Variants in SLC36A4 observed in about 807,000 individuals in gnomAD.
SLC36A4 encodes neutral amino acid uniporter 4.
Under a neutral mutation model 50.5 loss-of-function variants are expected in SLC36A4, and 49 were observed. The ratio of observed to expected loss-of-function variants is 0.97; its 90% CI spans 0.77 to 1.23. The LOEUF (loss-of-function observed/expected upper bound fraction) is 1.23, where lower values mean the gene tolerates loss of function less well. Ranked by LOEUF, SLC36A4 falls within the 50% of genes most tolerant of loss-of-function variation. The pLI is 0.00. For synonymous variants in SLC36A4, 207 were observed against 206.5 expected, an observed-to-expected ratio of 1.00 and a Z score of -0.02; for missense variants, 611 against 608.4, an observed-to-expected ratio of 1.00 and a Z score of -0.05.
At chr11:93,168,236 C>T in intron 6 of SLC36A4, 65 bp from the exon 7 acceptor site, 1 of 911,138 alleles carries the variant, frequency 1.1e-6, no homozygotes, top group Non-Finnish European at 1.7e-6. Context: ...AATCATAAAA[C>T]ACATGTACAA....
At chr11:93,153,461 G>A (rs1436436104) in intron 10 of SLC36A4, among the ~76,000 whole-genome samples, 1 of 152,028 alleles carries the variant, frequency 6.6e-6, no homozygotes, top group African/African-American at 2.4e-5. Context: ...ACAATGGCAT[G>A]TAACTTGCCT....
chr11:93,196,345 G>A (rs1862421610), intron 1 of SLC36A4, among the ~76,000 whole-genome samples: 1 of 152,096 alleles, frequency 6.6e-6, no homozygotes. Flanking sequence ...ATATTCTGAA[G>A]GAGAATTGCT....
Position 93,182,878 on chromosome 11 carries a change from A to T in SLC36A4, c.287T>A (p.Leu96His), listed in dbSNP as rs778786250. The T allele has an allele frequency of 5.6e-6, 9 of 1,611,482 alleles. No individual in the cohort carries two copies. Among genetic ancestry groups the T allele is most frequent in the Non-Finnish European group, 7.6e-6 (9 of 1,178,894 alleles). Residue 96 changes from leucine (L) to histidine (H), a missense_variant, in exon 4 of 11, where the codon CTT (leucine) becomes CAT (histidine). Coordinates refer to ENST00000326402, the MANE Select transcript of SLC36A4 (RefSeq NM_152313.4). ...NAGIVLGPIS[L>H]VFIGIISVHC... Reference sequence around the variant, plus strand: ...AACAGAAATAATTCCTATAAACACAAGGCTGATTGGTCCAAGCTGTGGGGA... The same window carrying T: ...AACAGAAATAATTCCTATAAACACATGGCTGATTGGTCCAAGCTGTGGGGA...
In SLC36A4 at chr11:93,163,184, C is replaced by T. The variant is rs551151431; in HGVS notation, c.868-309G>A. On this transcript the variant is annotated intron_variant, in intron 8 of 10. Coordinates refer to ENST00000326402, the MANE Select transcript of SLC36A4 (RefSeq NM_152313.4). ...AGATAACACAGAGATCTCCCATATA[C>T]CCCTCACCCAGTTTCTCCTACCATT... 2.2e-3 allele frequency among the ~76,000 whole-genome samples: 342 copies of T among 152,180 alleles called. 1 individual carries two copies. Among genetic ancestry groups the T allele is most frequent in the Non-Finnish European group, 3.8e-3 (260 of 68,016 alleles).
chr11:93,197,719 C>A, intron 1 of SLC36A4, 59 bp downstream of exon 1: 1 of 1,545,182 alleles, frequency 6.5e-7, no homozygotes, highest in Non-Finnish European at 8.7e-7. Flanking sequence ...GCGCACCCGA[C>A]TCCCGCACAG....
At chr11:93,160,537 G>C (rs1354399508) in intron 9 of SLC36A4, 10 of 985,226 alleles carry the variant, frequency 1.0e-5, no homozygotes, top group Non-Finnish European at 1.1e-5. Context: ...GGATTAATTG[G>C]AGCTACTGCA....
intron 6 of SLC36A4, chr11:93,179,962 A>T: frequency 2.5e-6 from 1 of 406,018 alleles, no homozygotes. Flanking sequence ...CTATACTTAG[A>T]AAAGAGACTC....
chr11:93,176,602 A>G (rs919625917), intron 6 of SLC36A4, among the ~76,000 whole-genome samples: 1 of 151,648 alleles, frequency 6.6e-6, no homozygotes, highest in African/African-American at 2.4e-5. Flanking sequence ...GTTCCTTTCC[A>G]TGTTTAGCGC....
In SLC36A4 at chr11:93,148,202, A is replaced by C; in HGVS notation, c.*335T>G. The C allele has an allele frequency of 5.1e-6, 1 of 196,736 alleles. No homozygotes were observed. Among genetic ancestry groups the C allele is most frequent in the South Asian group, 9.9e-5 (1 of 10,128 alleles). The allele number at this position is 196,736 out of a possible 1,614,324, so 12.2% of individuals were successfully genotyped here. A position where few individuals can be genotyped will look rare whatever the true frequency, so the allele number is the denominator to read the frequency against. ...CTATTCTGTTCTCAAGTGAGTGGCA[A>C]AAGAGTAGCATAAAAGAGAGATAAC... On this transcript the variant is annotated 3_prime_UTR_variant, in exon 11 of 11. Transcript: ENST00000326402.
intron 1 of SLC36A4, among the ~76,000 whole-genome samples, chr11:93,192,443 T>A (rs1422019714): frequency 2.0e-5 from 3 of 152,142 alleles, no homozygotes; most frequent in Admixed American, 2.0e-4. Flanking sequence ...CATAGCCTTG[T>A]AGACCATTCT....
Position 93,156,252 on chromosome 11 carries a change from C to T in SLC36A4, c.1038-1975G>A, listed in dbSNP as rs367976776. Among the ~76,000 whole-genome samples, 405 of 152,050 alleles carry T rather than the reference C, an allele frequency of 2.7e-3. 4 individuals are homozygous for T. Among genetic ancestry groups the T allele is most frequent in the African/African-American group, 9.0e-3 (373 of 41,470 alleles). On this transcript the variant is annotated intron_variant, in intron 9 of 10. Transcript: ENST00000326402. ...ATAAGCTCACTAGCATGTTATTTTT[C>T]GACTTTTTAGTAATAGCCATTCTGA...
intron 7 of SLC36A4, among the ~76,000 whole-genome samples, chr11:93,167,700 C>T (rs1324394654): frequency 6.6e-6 from 1 of 152,134 alleles, no homozygotes; most frequent in Non-Finnish European, 1.5e-5. Flanking sequence ...AGCACTGTCA[C>T]AAAGCCCAGA....
At chr11:93,160,423 T>C in intron 9 of SLC36A4, 1 of 985,436 alleles carries the variant, frequency 1.0e-6, no homozygotes, top group Non-Finnish European at 1.2e-6. Flanking sequence ...TATGATCTAA[T>C]GGTCCCTTTT....
intron 3 of SLC36A4, 34 bp downstream of exon 3, chr11:93,184,396 C>A (rs1215197222): frequency 7.7e-7 from 1 of 1,292,872 alleles, no homozygotes. Context: ...CTGAGAACTG[C>A]ATCTTAACTG....
At chr11:93,166,209 A>G (rs1860855836) in intron 7 of SLC36A4, 193 bp from the exon 8 acceptor site, 5 of 1,333,354 alleles carry the variant, frequency 3.7e-6, no homozygotes, top group Non-Finnish European at 4.8e-6. Context: ...CACTGCCAAA[A>G]GCAATTGTTT....
intron 6 of SLC36A4, among the ~76,000 whole-genome samples, chr11:93,172,488 C>T (rs1392226142): frequency 6.6e-6 from 1 of 150,958 alleles, no homozygotes; most frequent in Non-Finnish European, 1.5e-5. Flanking sequence ...GGTACATGTG[C>T]ACATTGTGCA....
At chr11:93,160,557 T>C (rs1860572624) in intron 9 of SLC36A4, 1 of 985,352 alleles carries the variant, frequency 1.0e-6, no homozygotes, top group African/African-American at 1.7e-5. Context: ...AGGGACAGTG[T>C]CACCCTCCAA....
At chr11:93,151,196 T>C (rs754801210) in intron 10 of SLC36A4, among the ~76,000 whole-genome samples, 27 of 151,990 alleles carry the variant, frequency 1.8e-4, no homozygotes, top group Non-Finnish European at 3.4e-4. Context: ...ATCCAACATA[T>C]ATTAATAAAA....
At chr11:93,195,276 T>C (rs1307197084) in intron 1 of SLC36A4, among the ~76,000 whole-genome samples, 1 of 151,984 alleles carries the variant, frequency 6.6e-6, no homozygotes, top group Non-Finnish European at 1.5e-5. Flanking sequence ...ACTCTGTAGG[T>C]ATATTACAAA....
Sources: allele counts gnomAD v4.1 joint callset (sites outside exome capture counted in the v4.1 genomes callset), GRCh38; gene constraint gnomAD v4.1.1; transcripts MANE v1.5; gene names NCBI Gene and HGNC (gene_info 2026-07-23, HGNC 2026-07-21).